SGCZ: variants seen among roughly 807,000 people sequenced by gnomAD.
The protein encoded by SGCZ is sarcoglycan zeta.
In SGCZ, 40 loss-of-function variants were observed where a neutral mutation model predicts 41.3. The observed-to-expected ratio is 0.97, with a 90% CI of 0.75 to 1.26. The LOEUF (loss-of-function observed/expected upper bound fraction) is 1.26, where lower values mean the gene tolerates loss of function less well. SGCZ is among the 50% of genes most tolerant of loss of function. The pLI is 0.00. For synonymous variants in SGCZ, 206 were observed against 137.5 expected (o/e 1.50, Z -3.49); for missense variants, 552 against 369.8 (o/e 1.49, Z -4.04).
intron 2 of SGCZ, among the ~76,000 whole-genome samples, chr8:14,472,326 G>C (rs1251765192): frequency 1.3e-5 from 2 of 151,994 alleles, no homozygotes; most frequent in Non-Finnish European, 2.9e-5. Context: ...TTTGTTCATG[G>C]TTTTAACTAG....
chr8:14,494,652 CT>C (rs1393939312), intron 2 of SGCZ, among the ~76,000 whole-genome samples: 4 of 152,140 alleles, frequency 2.6e-5, no homozygotes, highest in African/African-American at 9.6e-5. Flanking sequence ...GGCTGCAAAA[CT>C]TTTTTCAGTC....
chr8:14,544,926 C>T (rs1447686589), intron 2 of SGCZ, among the ~76,000 whole-genome samples: 2 of 152,086 alleles, frequency 1.3e-5, no homozygotes, highest in East Asian at 1.9e-4. Context: ...GCTTTTTGCC[C>T]TTTGAAGCAT....
At chr8:14,185,859 T>A (rs1485868248) in intron 4 of SGCZ, among the ~76,000 whole-genome samples, 1 of 152,246 alleles carries the variant, frequency 6.6e-6, no homozygotes, top group Non-Finnish European at 1.5e-5. Flanking sequence ...TTCATTTATC[T>A]TGGAGTTCTC....
chr8:14,860,183 AGTCTTTTTTTTT>A (rs903523935), intron 1 of SGCZ, among the ~76,000 whole-genome samples: 2 of 149,668 alleles, frequency 1.3e-5, no homozygotes, highest in African/African-American at 2.5e-5. Context: ...TGCTACACAA[AGTCTTTTTTTTT>A]GTCTTTTTTT....
intron 2 of SGCZ, among the ~76,000 whole-genome samples, chr8:14,423,979 T>C (rs747453566): frequency 6.6e-6 from 1 of 152,106 alleles, no homozygotes; most frequent in African/African-American, 2.4e-5. Context: ...AAAGTGTTAA[T>C]GACAGGAAAG....
At chr8:14,872,605 T>C (rs545538909) in intron 1 of SGCZ, among the ~76,000 whole-genome samples, 1 of 152,248 alleles carries the variant, frequency 6.6e-6, no homozygotes, top group African/African-American at 2.4e-5. Context: ...TAGGAAGTTC[T>C]TTAAACCACA....
At chr8:14,528,842 ACAAAAAC>A (rs1563388642) in intron 2 of SGCZ, among the ~76,000 whole-genome samples, 5 of 149,238 alleles carry the variant, frequency 3.4e-5, no homozygotes, top group African/African-American at 1.3e-4. Flanking sequence ...AAAAAACAAA[ACAAAAAC>A]AAAAAAAGAG....
chr8:14,210,041 T>G (rs1426183820), intron 4 of SGCZ, among the ~76,000 whole-genome samples: 1 of 151,786 alleles, frequency 6.6e-6, no homozygotes, highest in Non-Finnish European at 1.5e-5. Context: ...ATCTACACTA[T>G]TAAGTTTTGT....
chr8:14,222,629 A>T (rs1237591003), intron 4 of SGCZ, among the ~76,000 whole-genome samples: 1 of 151,782 alleles, frequency 6.6e-6, no homozygotes, highest in Admixed American at 6.6e-5. Context: ...TTTTTTTCCC[A>T]TTATTTATTG....
intron 1 of SGCZ, among the ~76,000 whole-genome samples, chr8:14,839,714 T>C (rs1326305610): frequency 6.6e-6 from 1 of 152,160 alleles, no homozygotes; most frequent in Non-Finnish European, 1.5e-5. Flanking sequence ...CAATCACATT[T>C]TGAAAGTTAT....
intron 4 of SGCZ, among the ~76,000 whole-genome samples, chr8:14,193,855 C>T (rs753711863): frequency 6.6e-6 from 1 of 151,768 alleles, no homozygotes; most frequent in Non-Finnish European, 1.5e-5. Flanking sequence ...AATAAAGAAA[C>T]TCCTACCTTG....
intron 2 of SGCZ, among the ~76,000 whole-genome samples, chr8:14,387,315 G>A (rs1429040069): frequency 6.6e-6 from 1 of 152,106 alleles, no homozygotes; most frequent in Non-Finnish European, 1.5e-5. Flanking sequence ...GTCTCCCAAA[G>A]CACTGAGATT....
intron 1 of SGCZ, among the ~76,000 whole-genome samples, chr8:14,587,001 A>C (rs897702620): frequency 1.3e-5 from 2 of 151,840 alleles, no homozygotes; most frequent in Admixed American, 6.6e-5. Flanking sequence ...TATTATTTAC[A>C]GAATATCCTT....
chr8:14,197,933 G>T (rs1042899835), intron 4 of SGCZ, among the ~76,000 whole-genome samples: 1 of 151,998 alleles, frequency 6.6e-6, no homozygotes. Context: ...GTTACTAAAA[G>T]AATGTTATTT....
chr8:15,064,924 C>G (rs886753605), intron 1 of SGCZ, among the ~76,000 whole-genome samples: 2 of 152,156 alleles, frequency 1.3e-5, no homozygotes, highest in Admixed American at 6.5e-5. Flanking sequence ...ACTATGTCTA[C>G]TTGACATCAG....
intron 1 of SGCZ, among the ~76,000 whole-genome samples, chr8:15,082,591 C>T (rs1315515688): frequency 6.6e-6 from 1 of 151,970 alleles, no homozygotes; most frequent in Admixed American, 6.6e-5. Context: ...TACACTGGGA[C>T]ACATGGCATA....
intron 1 of SGCZ, among the ~76,000 whole-genome samples, chr8:14,645,483 TGTA>T (rs1807181705): frequency 9.4e-6 from 1 of 106,060 alleles, no homozygotes; most frequent in African/African-American, 2.8e-5. Flanking sequence ...TATATTTATA[TGTA>T]TATATATATA....
At chr8:14,624,552 A>ATTATTATTATTTATTTAT (rs1563161288) in intron 1 of SGCZ, among the ~76,000 whole-genome samples, 2 of 34,142 alleles carry the variant, frequency 5.9e-5, no homozygotes, top group African/African-American at 1.5e-4. Flanking sequence ...TTTTATTATT[A>ATTATTATTATTTATTTAT]TTATTTTTTT....
chr8:14,190,516 G>C (rs1585215955), intron 4 of SGCZ, among the ~76,000 whole-genome samples: 1 of 152,100 alleles, frequency 6.6e-6, no homozygotes. Flanking sequence ...TGCAAGTGCA[G>C]ATATCTTTAT....
Sources: gnomAD v4.1 joint callset for allele counts (sites outside exome capture counted in the v4.1 genomes callset) on GRCh38, gnomAD v4.1.1 for gene constraint, MANE v1.5 for transcripts, NCBI Gene and HGNC (gene_info 2026-07-23, HGNC 2026-07-21) for gene names.